The following FER variants were observed in gnomAD, a reference collection of about 807,000 sequenced individuals.
FER encodes the protein FER tyrosine kinase.
FER carries 63 observed loss-of-function variants against 111.0 expected under a neutral mutation model. The observed-to-expected ratio is 0.57, with a 90% CI of 0.46 to 0.70. The LOEUF is 0.70. FER is among the 30% of genes least tolerant of loss of function. FER has a pLI of 0.00. For synonymous variants in FER, 327 were observed against 313.9 expected (o/e 1.04, Z -0.44); for missense variants, 914 against 954.0 (o/e 0.96, Z 0.55).
intron 13 of FER, among the ~76,000 whole-genome samples, chr5:108,997,010 T>C (rs1310328293): frequency 6.6e-6 from 1 of 152,130 alleles, no homozygotes; most frequent in Non-Finnish European, 1.5e-5. Flanking sequence ...AGGTATTTTA[T>C]TCCCTTTGTA....
At chr5:109,154,393 C>A (rs1755150723) in intron 17 of FER, among the ~76,000 whole-genome samples, 3 of 151,854 alleles carry the variant, frequency 2.0e-5, no homozygotes, top group Admixed American at 2.0e-4. Flanking sequence ...GAAATGATTT[C>A]TGTGTTCCAA....
At chr5:108,890,884 A>G (rs143546788) in intron 9 of FER, among the ~76,000 whole-genome samples, 10 of 152,234 alleles carry the variant, frequency 6.6e-5, no homozygotes, top group African/African-American at 2.4e-4. Context: ...ATGTGAACAT[A>G]AGTTACAATT....
intron 1 of FER, among the ~76,000 whole-genome samples, chr5:108,765,492 T>C (rs917003689): frequency 6.6e-6 from 1 of 152,174 alleles, no homozygotes; most frequent in African/African-American, 2.4e-5. Flanking sequence ...TGATCACAGC[T>C]CATTGCAGGC....
chr5:108,772,958 C>T (rs992121544), intron 2 of FER, among the ~76,000 whole-genome samples: 1 of 152,170 alleles, frequency 6.6e-6, no homozygotes, highest in Non-Finnish European at 1.5e-5. Context: ...CATAGAGACA[C>T]TCAGAGCTAA....
intron 13 of FER, among the ~76,000 whole-genome samples, chr5:109,012,955 C>T (rs74900989): frequency 0.064 from 9,751 of 151,912 alleles, 407 homozygotes; most frequent in South Asian, 0.12. Context: ...ATTTAACTCA[C>T]TTATTTCTCC....
chr5:108,844,069 T>TGTGTGAACATATATGC (rs1561500107), intron 5 of FER, among the ~76,000 whole-genome samples: 10 of 129,916 alleles, frequency 7.7e-5, no homozygotes, highest in South Asian at 2.4e-4. Flanking sequence ...CATATATATG[T>TGTGTGAACATATATGC]GTGTGAACAT....
intron 11 of FER, among the ~76,000 whole-genome samples, chr5:108,947,611 T>C (rs2149630767): frequency 6.6e-6 from 1 of 152,120 alleles, no homozygotes; most frequent in South Asian, 2.1e-4. Flanking sequence ...AATCTACAAA[T>C]GTTTTTTCTC....
intron 11 of FER, among the ~76,000 whole-genome samples, chr5:108,952,809 C>G (rs1757945540): frequency 6.6e-6 from 1 of 151,958 alleles, no homozygotes. Context: ...GAACTCTGTT[C>G]ATCATTCTCT....
intron 14 of FER, among the ~76,000 whole-genome samples, chr5:109,041,132 C>G (rs1021923572): frequency 6.6e-6 from 1 of 152,060 alleles, no homozygotes; most frequent in South Asian, 2.1e-4. Flanking sequence ...TAAGGGCCCC[C>G]TAAGGGTTTG....
chr5:109,180,775 G>A lies in FER; in HGVS notation c.2077G>A (p.Gly693Ser), dbSNP rs375506762. 5.0e-6 allele frequency: 8 copies of A among 1,613,246 alleles called. No individual in the cohort carries two copies. In the African/African-American group the frequency reaches 6.7e-5, roughly 13 times the overall value. The change falls in exon 18 of 20, where the codon GGT (glycine) becomes AGT (serine). Residue 693 changes from glycine (G) to serine (S), a missense_variant. Physicochemically the swap from Gly to Ser is moderately conservative, Grantham distance 56. Around this residue, in one of 3 missense-constraint regions of FER, gnomAD observed 6 missense variants for 22.0 expected, o/e 0.27. Transcript: ENST00000281092. Reference protein sequence around the residue: ...RDLAARNCLVGENNVLKISDF... With the variant: ...RDLAARNCLVSENNVLKISDF... Reference sequence around the variant, plus strand: ...CCTTGCTGCAAGAAACTGCCTGGTAGGTGAAAATAATGTTCTGAAAATCAG... The same window carrying A: ...CCTTGCTGCAAGAAACTGCCTGGTAAGTGAAAATAATGTTCTGAAAATCAG...
intron 3 of FER, among the ~76,000 whole-genome samples, chr5:108,804,212 T>C (rs1038582499): frequency 7.2e-5 from 11 of 152,230 alleles, no homozygotes; most frequent in African/African-American, 2.7e-4. Context: ...TGAAGTCGTT[T>C]ATCAGTTTCA....
intron 13 of FER, among the ~76,000 whole-genome samples, chr5:109,002,512 T>C (rs368054408): frequency 0.046 from 7,060 of 151,946 alleles, 261 homozygotes; most frequent in South Asian, 0.11. Flanking sequence ...CCTAAAACCA[T>C]AAAAACCCTA....
chr5:108,826,181 C>T (rs1759448990), intron 3 of FER, among the ~76,000 whole-genome samples: 1 of 152,072 alleles, frequency 6.6e-6, no homozygotes, highest in African/African-American at 2.4e-5. Flanking sequence ...TATATTGACA[C>T]GATCACATGA....
intron 5 of FER, among the ~76,000 whole-genome samples, chr5:108,852,757 G>A (rs187993649): frequency 5.2e-4 from 79 of 152,180 alleles, no homozygotes; most frequent in Non-Finnish European, 8.2e-4. Context: ...GCTGCATAAA[G>A]TATGAAGTGA....
At chr5:108,937,435 T>C (rs1192952056) in intron 10 of FER, among the ~76,000 whole-genome samples, 2 of 151,938 alleles carry the variant, frequency 1.3e-5, no homozygotes, top group Non-Finnish European at 2.9e-5. Flanking sequence ...GTGAAAAAAG[T>C]TTAAGTTGCA....
intron 10 of FER, among the ~76,000 whole-genome samples, chr5:108,945,587 C>CT (rs1388162321): frequency 6.6e-6 from 1 of 150,616 alleles, no homozygotes; most frequent in Non-Finnish European, 1.5e-5. Context: ...CTTTCTCCTC[C>CT]TTATCATCAG....
chr5:108,937,932 T>C (rs931555934), intron 10 of FER, among the ~76,000 whole-genome samples: 1 of 151,544 alleles, frequency 6.6e-6, no homozygotes, highest in Non-Finnish European at 1.5e-5. Flanking sequence ...GAACAGAATA[T>C]GTGGTGAAGG....
rs182339341 is a variant in FER, at chr5:108,887,666, G to C, written c.1046+4148G>C. Among the ~76,000 whole-genome samples, 20 of 151,714 alleles carry C rather than the reference G, an allele frequency of 1.3e-4. No individual in the cohort carries two copies. The Admixed American group carries it at 1.3e-3, about 10-fold the overall frequency. On this transcript the variant is annotated intron_variant, in intron 9 of 19. Coordinates refer to ENST00000281092, the MANE Select transcript of FER (RefSeq NM_005246.4). ...AGTGTATTTAATATGCTAAAATTTTGTATTGTATAACATACACTAAATATA... is the reference window on the plus strand; with the variant it reads ...AGTGTATTTAATATGCTAAAATTTTCTATTGTATAACATACACTAAATATA...
At chr5:108,939,834 A>G (rs1314709755) in intron 10 of FER, among the ~76,000 whole-genome samples, 2 of 152,062 alleles carry the variant, frequency 1.3e-5, no homozygotes, top group African/African-American at 4.8e-5. Context: ...GTTCCCAGTT[A>G]CTAGTTGCAG....
Sources: gnomAD v4.1 joint callset for allele counts (sites outside exome capture counted in the v4.1 genomes callset) on GRCh38, gnomAD v4.1.1 for gene constraint, gnomAD v4.1.1 regional missense constraint, MANE v1.5 for transcripts, NCBI Gene and HGNC (gene_info 2026-07-23, HGNC 2026-07-21) for gene names.